RGMA: variants seen among roughly 807,000 people sequenced by gnomAD.
The protein encoded by RGMA is repulsive guidance molecule A.
Under a neutral mutation model 23.2 loss-of-function variants are expected in RGMA, and 10 were observed. The observed-to-expected ratio is 0.43, with a 90% CI of 0.27 to 0.73. The LOEUF (loss-of-function observed/expected upper bound fraction) is 0.73. Ranked by LOEUF, RGMA falls within the 30% of genes least tolerant of loss-of-function variation. The pLI is 0.20. For missense variants in RGMA, 547 were observed against 630.5 expected (o/e 0.87, Z 1.42); for synonymous variants, 308 against 279.3 (o/e 1.10, Z -1.03).
At chr15:93,077,594 T>C (rs562848159) in intron 1 of RGMA, among the ~76,000 whole-genome samples, 48 of 152,328 alleles carry the variant, frequency 3.2e-4, no homozygotes, top group African/African-American at 1.1e-3. Flanking sequence ...CTTGAGATTG[T>C]TGCTACAGAA....
At chr15:93,065,972 T>C in intron 2 of RGMA, 1 of 1,048,282 alleles carries the variant, frequency 9.5e-7, no homozygotes, top group South Asian at 1.4e-5. Flanking sequence ...CGCCGTCGTC[T>C]GGGCCGCTGC....
intron 2 of RGMA, among the ~76,000 whole-genome samples, chr15:93,058,901 G>GC (rs1166674506): frequency 6.6e-6 from 1 of 152,184 alleles, no homozygotes; most frequent in East Asian, 1.9e-4. Flanking sequence ...GGGAGGTTGG[G>GC]TAGGTACGTG....
rs2054680975 is a variant in RGMA, at chr15:93,038,240, T to C, written c.*6758A>G. ...CCACGGAATGAGGTCTGTAGACTCCTGGTTAGAGGGTTTGGGGGGCAGGGG... is the reference window on the plus strand; with the variant it reads ...CCACGGAATGAGGTCTGTAGACTCCCGGTTAGAGGGTTTGGGGGGCAGGGG... On this transcript the variant is annotated 3_prime_UTR_variant, in exon 4 of 4. Transcript: ENST00000329082. 2 of 152,242 alleles carry C rather than the reference T, an allele frequency of 1.3e-5. No homozygotes were observed. The highest frequency in any genetic ancestry group is 4.8e-5 in the African/African-American group (2 of 41,450). The allele number at this position is 152,242 out of a possible 1,614,324, so 9.4% of individuals were successfully genotyped here.
chr15:93,044,846 G>A lies in RGMA; in HGVS notation c.*152C>T. On this transcript the variant is annotated 3_prime_UTR_variant, in exon 4 of 4. Transcript: ENST00000329082. ...TGTCACGTGCACTAGAAGGGGAGGG[G>A]TCCGTGCCTGAGCCCTTGGCAGCAG... is the stretch of plus-strand genomic sequence containing the variant. The A allele has an allele frequency of 4.7e-6, 3 of 637,856 alleles. No homozygotes were observed. The highest frequency in any genetic ancestry group is 5.5e-6 in the Non-Finnish European group (2 of 365,816). 39.5% of individuals were successfully genotyped at this position (637,856 alleles called of 1,614,324 possible).
At position 93,052,491 on chromosome 15, in the gene RGMA, C is replaced by T. The variant is rs1270576603; in HGVS notation, c.147G>A (p.Lys49=). ...AGAACTCAGAGTTGCACTTGAGGAT[C>T]TTGCACGGGGAGGTGGCTGAGGAGA... is the stretch of plus-strand genomic sequence containing the variant. ...CSFPAATSPC[K]ILKCNSEFWS... The change falls in exon 3 of 4, where the codon AAG becomes AAA. Residue 49 remains lysine (K), a synonymous_variant. Transcript: ENST00000329082. 2 of 1,574,232 alleles carry T rather than the reference C, an allele frequency of 1.3e-6. No individual in the cohort carries two copies. The highest frequency in any genetic ancestry group is 2.7e-5 in the African/African-American group (2 of 74,632).
intron 1 of RGMA, chr15:93,088,537 CGG>C: frequency 1.0e-6 from 1 of 1,003,500 alleles, no homozygotes; most frequent in Non-Finnish European, 1.2e-6. Flanking sequence ...GGGGCCCGGG[CGG>C]CGCGGGCCAA....
In RGMA at chr15:93,077,582, T is replaced by TAA. The variant is rs200677605; in HGVS notation, c.15-4552_15-4551insTT. On this transcript the variant is annotated intron_variant, in intron 1 of 3. Coordinates refer to ENST00000329082, the MANE Select transcript of RGMA (RefSeq NM_020211.3). ...ACTCAAGCTGGACCAATCAGAATCT[T>TAA]TCTTGAGATTGTTGCTACAGAAGCT... Among the ~76,000 whole-genome samples, 351 of 152,346 alleles carry TAA rather than the reference T, an allele frequency of 2.3e-3. 3 individuals carry two copies. The highest frequency in any genetic ancestry group is 0.012 in the East Asian group (62 of 5,192).
In RGMA at chr15:93,035,677, G is replaced by T. The variant is rs1378416487; in HGVS notation, c.*9321C>A. On this transcript the variant is annotated 3_prime_UTR_variant, in exon 4 of 4. Transcript: ENST00000329082. ...GCCCAAAGCCCAGGCCTAACTGGAA[G>T]GCTCAGGGCGGCCTGAGGAGAGATG... 6.6e-6 allele frequency: 1 copy of T among 152,264 alleles called. No homozygotes were observed. Among genetic ancestry groups the T allele is most frequent in the Non-Finnish European group, 1.5e-5 (1 of 68,070 alleles). 9.4% of individuals were successfully genotyped at this position (152,264 alleles called of 1,614,324 possible). A position where few individuals can be genotyped will look rare whatever the true frequency, so the allele number is the denominator to read the frequency against.
At chr15:93,046,735 G>A (rs1286052303) in intron 3 of RGMA, among the ~76,000 whole-genome samples, 1 of 152,184 alleles carries the variant, frequency 6.6e-6, no homozygotes, top group Non-Finnish European at 1.5e-5. Context: ...TCATGGAGGA[G>A]GGGAACAGGA....
chr15:93,059,164 C>T (rs1175069027), intron 2 of RGMA, among the ~76,000 whole-genome samples: 1 of 152,156 alleles, frequency 6.6e-6, no homozygotes, highest in Non-Finnish European at 1.5e-5. Context: ...TTTCAAGATG[C>T]TTTTGCCACA....
chr15:93,063,004 T>C (rs560506226), intron 2 of RGMA: 2 of 152,410 alleles, frequency 1.3e-5, no homozygotes, highest in East Asian at 3.9e-4. Context: ...TTCTGCTTTT[T>C]TCCAATAGAT....
intron 3 of RGMA, among the ~76,000 whole-genome samples, chr15:93,048,448 G>A (rs868666444): frequency 7.9e-5 from 12 of 152,148 alleles, no homozygotes; most frequent in South Asian, 4.1e-4. Flanking sequence ...TGGAGGCTGC[G>A]GAGGGTCGGG....
At chr15:93,061,979 T>A (rs1326977201) in intron 2 of RGMA, among the ~76,000 whole-genome samples, 1 of 151,628 alleles carries the variant, frequency 6.6e-6, no homozygotes, top group Non-Finnish European at 1.5e-5. Flanking sequence ...ATAAAGACAA[T>A]GCAATTTGCC....
chr15:93,036,884 C>T lies in RGMA; in HGVS notation c.*8114G>A, dbSNP rs185317207. 1.3e-5 allele frequency: 2 copies of T among 152,392 alleles called. No individual in the cohort carries two copies. Among genetic ancestry groups the T allele is most frequent in the East Asian group, 3.9e-4 (2 of 5,180 alleles). 9.4% of individuals were successfully genotyped at this position (152,392 alleles called of 1,614,324 possible). A position where few individuals can be genotyped will look rare whatever the true frequency, so the allele number is the denominator to read the frequency against. On this transcript the variant is annotated 3_prime_UTR_variant, in exon 4 of 4. Transcript: ENST00000329082. The stretch of plus-strand genomic sequence containing the variant: ...GTCCGTCTGTAAACCAGGGCAATAT[C>T]TGCTTTCTAGGGTTTTTGTGAAATT...
Position 93,044,986 on chromosome 15 carries a change from A to C in RGMA, c.*12T>G, listed in dbSNP as rs759713272. Reference sequence around the variant, plus strand: ...GAGGACGGAGCCCGCGCCTCCCTCCACATCTACGCGTCTAGCAGAACACAG... The same window carrying C: ...GAGGACGGAGCCCGCGCCTCCCTCCCCATCTACGCGTCTAGCAGAACACAG... On this transcript the variant is annotated 3_prime_UTR_variant, in exon 4 of 4. Coordinates refer to ENST00000329082, the MANE Select transcript of RGMA (RefSeq NM_020211.3). 5.7e-6 allele frequency: 9 copies of C among 1,588,098 alleles called. No individual in the cohort carries two copies. In the South Asian group the frequency reaches 1.0e-4, roughly 18 times the overall value.
chr15:93,050,670 C>T lies in RGMA; in HGVS notation c.645+1323G>A, dbSNP rs923145820. ...CTGCACACAAATCACAAATCCTCCC[C>T]GGTGCGTGGCTTGGCTCTGTTGTCG... On this transcript the variant is annotated intron_variant, in intron 3 of 3. Transcript: ENST00000329082. Among the ~76,000 whole-genome samples, 12 of 152,348 alleles carry T rather than the reference C, an allele frequency of 7.9e-5. No individual in the cohort carries two copies. In the South Asian group the frequency reaches 1.0e-3, roughly 13 times the overall value.
intron 1 of RGMA, among the ~76,000 whole-genome samples, chr15:93,084,977 A>G (rs1241536477): frequency 6.6e-6 from 1 of 152,192 alleles, no homozygotes; most frequent in Non-Finnish European, 1.5e-5. Context: ...AATCTTGTTT[A>G]AAGACATCAA....
chr15:93,035,459 C>T lies in RGMA; in HGVS notation c.*9539G>A, dbSNP rs1442693468. On this transcript the variant is annotated 3_prime_UTR_variant, in exon 4 of 4. Transcript: ENST00000329082. Reference sequence around the variant, plus strand: ...AGGGTGGGCTCAGTGGATGGAAAACCTCTTAAGAGGAAACACCTGGGGGGA... The same window carrying T: ...AGGGTGGGCTCAGTGGATGGAAAACTTCTTAAGAGGAAACACCTGGGGGGA... 6.6e-6 allele frequency: 1 copy of T among 152,206 alleles called. No homozygotes were observed. Among genetic ancestry groups the T allele is most frequent in the Non-Finnish European group, 1.5e-5 (1 of 68,096 alleles). 9.4% of individuals were successfully genotyped at this position (152,206 alleles called of 1,614,324 possible). A position where few individuals can be genotyped will look rare whatever the true frequency, so the allele number is the denominator to read the frequency against.
chr15:93,057,577 C>G (rs544655553), intron 2 of RGMA, among the ~76,000 whole-genome samples: 1 of 152,144 alleles, frequency 6.6e-6, no homozygotes, highest in East Asian at 1.9e-4. Context: ...GTTGCTTAAG[C>G]CTCCTAGGCT....
Sources: gnomAD v4.1 joint callset for allele counts (sites outside exome capture counted in the v4.1 genomes callset) on GRCh38, gnomAD v4.1.1 for gene constraint, MANE v1.5 for transcripts, NCBI Gene and HGNC (gene_info 2026-07-23, HGNC 2026-07-21) for gene names.